Variants in DLGAP2 observed in about 807,000 individuals in gnomAD.
DLGAP2 encodes disks large-associated protein 2.
A neutral mutation model predicts 100.3 loss-of-function variants in DLGAP2; 26 were observed. That is an observed-to-expected ratio of 0.26 (90% confidence interval 0.19 to 0.36). DLGAP2 has a LOEUF of 0.36. Among genes scored for constraint, DLGAP2 ranks in the 10% least tolerant of loss-of-function variants. DLGAP2 has a pLI of 1.00. For synonymous variants in DLGAP2, 886 were observed against 630.1 expected (o/e 1.41, Z -6.08); for missense variants, 1,858 against 1,453.2 (o/e 1.28, Z -4.53).
At chr8:1,457,968 C>T (rs1273912022) in intron 3 of DLGAP2, among the ~76,000 whole-genome samples, 1 of 102,316 alleles carries the variant, frequency 9.8e-6, no homozygotes, top group Non-Finnish European at 2.0e-5. Context: ...TGTCTCTGTT[C>T]TCTGATCATA....
At chr8:1,201,636 C>T (rs1256690169) in intron 2 of DLGAP2, among the ~76,000 whole-genome samples, 1 of 152,220 alleles carries the variant, frequency 6.6e-6, no homozygotes, top group Non-Finnish European at 1.5e-5. Flanking sequence ...GATTTACACA[C>T]TCAGAGCTCC....
intron 2 of DLGAP2, among the ~76,000 whole-genome samples, chr8:911,368 T>C (rs183054419): frequency 1.3e-5 from 2 of 152,148 alleles, no homozygotes; most frequent in Admixed American, 6.5e-5. Context: ...GATATGTGTA[T>C]AACATATGTT....
chr8:1,344,039 A>C (rs1801483152), intron 3 of DLGAP2, among the ~76,000 whole-genome samples: 1 of 139,648 alleles, frequency 7.2e-6, no homozygotes, highest in Non-Finnish European at 1.5e-5. Context: ...TCACAGAATA[A>C]ACAGGTCCTG....
chr8:1,064,508 A>C (rs1318402567), intron 2 of DLGAP2, among the ~76,000 whole-genome samples: 1 of 152,212 alleles, frequency 6.6e-6, no homozygotes, highest in Non-Finnish European at 1.5e-5. Flanking sequence ...AATGACATCC[A>C]CTCAAATGTT....
At chr8:1,503,503 T>C (rs940642485) in intron 4 of DLGAP2, among the ~76,000 whole-genome samples, 7 of 152,130 alleles carry the variant, frequency 4.6e-5, no homozygotes, top group Non-Finnish European at 1.0e-4. Context: ...TGGACCACAC[T>C]GGTTTCCATT....
chr8:817,806 A>T (rs1796511064), intron 1 of DLGAP2, among the ~76,000 whole-genome samples: 2 of 152,116 alleles, frequency 1.3e-5, no homozygotes, highest in Admixed American at 1.3e-4. Flanking sequence ...GAGTCCTGTG[A>T]TGTGATTTTT....
At chr8:1,490,790 C>T (rs902443560) in intron 3 of DLGAP2, among the ~76,000 whole-genome samples, 6 of 150,934 alleles carry the variant, frequency 4.0e-5, no homozygotes, top group Non-Finnish European at 7.4e-5. Context: ...AAAAGGTCCC[C>T]AGGGTTAGGG....
At chr8:1,344,450 C>T (rs1585280612) in intron 3 of DLGAP2, among the ~76,000 whole-genome samples, 4 of 152,246 alleles carry the variant, frequency 2.6e-5, no homozygotes, top group South Asian at 2.1e-4. Context: ...GGGTAAAAGT[C>T]GGGACTCAGA....
intron 3 of DLGAP2, among the ~76,000 whole-genome samples, chr8:1,345,324 G>C (rs1185835209): frequency 2.8e-5 from 4 of 141,206 alleles, no homozygotes; most frequent in Non-Finnish European, 4.7e-5. Context: ...CGGTTGTTCT[G>C]TTTCTCTTCG....
chr8:1,303,329 G>A (rs950362392), intron 3 of DLGAP2, among the ~76,000 whole-genome samples: 3 of 151,372 alleles, frequency 2.0e-5, no homozygotes, highest in Admixed American at 6.6e-5. Flanking sequence ...CCCGGGAGGC[G>A]GAGCTTGCAC....
chr8:1,203,600 C>T (rs2116765870), intron 2 of DLGAP2, among the ~76,000 whole-genome samples: 1 of 152,286 alleles, frequency 6.6e-6, no homozygotes, highest in Middle Eastern at 3.4e-3. Flanking sequence ...GTTTCAGCTT[C>T]TCGTTTGAAT....
intron 3 of DLGAP2, among the ~76,000 whole-genome samples, chr8:1,420,606 C>G (rs74360318): frequency 0.014 from 2,164 of 152,302 alleles, 53 homozygotes; most frequent in African/African-American, 0.049. Flanking sequence ...GCATCAATGT[C>G]AAAGCCTGTG....
intron 2 of DLGAP2, among the ~76,000 whole-genome samples, chr8:988,698 C>A (rs938316035): frequency 1.3e-5 from 2 of 152,138 alleles, no homozygotes; most frequent in African/African-American, 4.8e-5. Context: ...CTGATGTGTT[C>A]CCTGCCTGCC....
At chr8:931,637 C>G (rs1050259520) in intron 2 of DLGAP2, among the ~76,000 whole-genome samples, 2 of 152,168 alleles carry the variant, frequency 1.3e-5, no homozygotes, top group South Asian at 2.1e-4. Context: ...TCTCTGGAAC[C>G]CTTGCCAGCC....
chr8:1,381,360 T>C (rs1371133635), intron 3 of DLGAP2: 4 of 152,234 alleles, frequency 2.6e-5, no homozygotes, highest in Non-Finnish European at 5.9e-5. Context: ...TGCTTACTTA[T>C]TAAACATTTC....
intron 13 of DLGAP2, among the ~76,000 whole-genome samples, chr8:1,694,467 AGAGCC>A (rs1799330038): frequency 6.6e-6 from 1 of 152,218 alleles, no homozygotes; most frequent in Non-Finnish European, 1.5e-5. Context: ...CGCGGGGGGC[AGAGCC>A]TCTCAGGGTC....
chr8:1,542,438 T>C (rs2214861), intron 4 of DLGAP2, among the ~76,000 whole-genome samples: 68,494 of 152,134 alleles, frequency 0.45, 16,170 homozygotes, highest in South Asian at 0.67. Flanking sequence ...AACAATCTGT[T>C]TTCCATTTTG....
chr8:1,333,423 A>G (rs946018206), intron 3 of DLGAP2, among the ~76,000 whole-genome samples: 4 of 151,944 alleles, frequency 2.6e-5, no homozygotes, highest in Non-Finnish European at 5.9e-5. Context: ...CATTTATCCA[A>G]CTGTGATCTC....
chr8:1,268,273 T>C (rs1799508777), intron 3 of DLGAP2, among the ~76,000 whole-genome samples: 1 of 152,200 alleles, frequency 6.6e-6, no homozygotes, highest in Non-Finnish European at 1.5e-5. Flanking sequence ...TTTAGTGTGA[T>C]TGGAGAAAAT....
Sources: allele counts gnomAD v4.1 joint callset (sites outside exome capture counted in the v4.1 genomes callset), GRCh38; gene constraint gnomAD v4.1.1; transcripts MANE v1.5; gene names NCBI Gene and HGNC (gene_info 2026-07-23, HGNC 2026-07-21).